The following RAP1GDS1 variants were observed in gnomAD, a reference collection of about 807,000 sequenced individuals.
The protein encoded by RAP1GDS1 is RAP1, GTP-GDP dissociation stimulator 1.
RAP1GDS1 carries 35 observed loss-of-function variants against 71.1 expected under a neutral mutation model. The observed-to-expected ratio is 0.49, with a 90% CI of 0.38 to 0.65. RAP1GDS1 has a LOEUF of 0.65. RAP1GDS1 is among the 30% of genes least tolerant of loss of function. The pLI, the probability that RAP1GDS1 is intolerant of heterozygous loss-of-function variation, is 0.00. For synonymous variants in RAP1GDS1, 229 were observed against 243.1 expected (o/e 0.94, Z 0.54); for missense variants, 663 against 706.1 (o/e 0.94, Z 0.69).
At chr4:98,346,584 G>GC (rs1474039333) in intron 3 of RAP1GDS1, among the ~76,000 whole-genome samples, 6 of 150,568 alleles carry the variant, frequency 4.0e-5, no homozygotes, top group Admixed American at 2.6e-4. Context: ...AGAGGGAGTC[G>GC]CCCAGGCTGG....
chr4:98,426,721 T>C (rs1242511261), intron 12 of RAP1GDS1, among the ~76,000 whole-genome samples: 1 of 152,016 alleles, frequency 6.6e-6, no homozygotes, highest in Non-Finnish European at 1.5e-5. Flanking sequence ...ATTGAAATGG[T>C]AATTTAAAAA....
chr4:98,378,958 G>A, intron 4 of RAP1GDS1, 59 bp from the exon 5 acceptor site: 1 of 1,407,364 alleles, frequency 7.1e-7, no homozygotes, highest in Non-Finnish European at 9.6e-7. Context: ...TTTTGTATTT[G>A]AAATTGTAAG....
At chr4:98,379,332 G>A in intron 5 of RAP1GDS1, 169 bp downstream of exon 5, 1 of 786,376 alleles carries the variant, frequency 1.3e-6, no homozygotes, top group Non-Finnish European at 1.8e-6. Flanking sequence ...AATGTAAAAT[G>A]GTTAATTTAC....
At chr4:98,369,469 A>G (rs565140829) in intron 4 of RAP1GDS1, among the ~76,000 whole-genome samples, 3 of 152,312 alleles carry the variant, frequency 2.0e-5, no homozygotes, top group Non-Finnish European at 2.9e-5. Context: ...CCCAATGTCA[A>G]TCAGTATATT....
intron 2 of RAP1GDS1, among the ~76,000 whole-genome samples, chr4:98,340,624 C>T (rs1187348518): frequency 2.0e-5 from 3 of 152,052 alleles, no homozygotes; most frequent in Non-Finnish European, 4.4e-5. Flanking sequence ...GGGTGCACAC[C>T]TGTAATCTCA....
chr4:98,429,714 A>G (rs1354648378), intron 12 of RAP1GDS1, among the ~76,000 whole-genome samples: 2 of 152,206 alleles, frequency 1.3e-5, no homozygotes, highest in East Asian at 3.8e-4. Context: ...GTGTTGGGCC[A>G]CGTTCAAAAT....
At chr4:98,416,713 A>C (rs767597464) in intron 7 of RAP1GDS1, 32 bp from the exon 8 acceptor site, 13 of 1,554,492 alleles carry the variant, frequency 8.4e-6, no homozygotes, top group Non-Finnish European at 1.1e-5. Context: ...TTTATCTCAA[A>C]GTTTGATTAT....
At chr4:98,369,547 C>G (rs1001115226) in intron 4 of RAP1GDS1, among the ~76,000 whole-genome samples, 2 of 152,158 alleles carry the variant, frequency 1.3e-5, no homozygotes, top group African/African-American at 4.8e-5. Flanking sequence ...AAAAATACTT[C>G]TATACATGAT....
chr4:98,344,539 TCTTA>T (rs1182570812), intron 3 of RAP1GDS1, among the ~76,000 whole-genome samples: 4 of 152,224 alleles, frequency 2.6e-5, no homozygotes, highest in East Asian at 1.9e-4. Context: ...TCCTATATTC[TCTTA>T]CTTAATAATA....
Position 98,437,060 on chromosome 4 carries a change from T to C in RAP1GDS1, c.1688T>C (p.Met563Thr), listed in dbSNP as rs375082304. Residue 563 changes from methionine (M) to threonine (T), a missense_variant, in exon 14 of 15, where the codon ATG becomes ACG. Physicochemically the swap from Met to Thr is moderately conservative, Grantham distance 81 (BLOSUM62 -1). Coordinates refer to ENST00000408927, the MANE Select transcript of RAP1GDS1 (RefSeq NM_001100427.2). ...YNSMVLICAL[M>T]GSECLHKEVQ... ...TCCATGGTCCTGATATGTGCTCTTA[T>C]GGGATCTGGTAAGTATTCTTCTATC... 4.4e-5 allele frequency: 70 copies of C among 1,600,936 alleles called. No individual in the cohort carries two copies. Among genetic ancestry groups the C allele is most frequent in the Admixed American group, 2.6e-4 (15 of 56,920 alleles).
chr4:98,363,447 C>T (rs1739033639), intron 4 of RAP1GDS1, among the ~76,000 whole-genome samples: 1 of 127,446 alleles, frequency 7.8e-6, no homozygotes, highest in Admixed American at 8.9e-5. Context: ...CACCACAGCA[C>T]TCCAGCCTAA....
chr4:98,296,252 A>G (rs1433212450), intron 2 of RAP1GDS1, among the ~76,000 whole-genome samples: 1 of 152,130 alleles, frequency 6.6e-6, no homozygotes, highest in Admixed American at 6.6e-5. Context: ...GTTACTGGAA[A>G]GGTTATCTCT....
chr4:98,367,384 T>A (rs1050857102), intron 4 of RAP1GDS1, among the ~76,000 whole-genome samples: 1 of 152,214 alleles, frequency 6.6e-6, no homozygotes. Context: ...GGGACCCTCA[T>A]GGAGAACCTC....
chr4:98,264,287 T>C (rs978208913), intron 1 of RAP1GDS1, among the ~76,000 whole-genome samples: 3 of 151,868 alleles, frequency 2.0e-5, no homozygotes. Flanking sequence ...TCCCAGCTGT[T>C]TGGGAGGCTG....
chr4:98,279,049 C>T (rs1163828882), intron 1 of RAP1GDS1, among the ~76,000 whole-genome samples: 3 of 152,102 alleles, frequency 2.0e-5, no homozygotes, highest in Non-Finnish European at 4.4e-5. Context: ...AGTGAAACCC[C>T]GTCTCTACTA....
chr4:98,316,567 C>T (rs1730971653), intron 2 of RAP1GDS1, among the ~76,000 whole-genome samples: 1 of 151,960 alleles, frequency 6.6e-6, no homozygotes, highest in Admixed American at 6.6e-5. Flanking sequence ...GAGTAAGCTC[C>T]AGTGTACTGG....
intron 2 of RAP1GDS1, among the ~76,000 whole-genome samples, chr4:98,335,465 T>G (rs1341529022): frequency 7.2e-6 from 1 of 138,974 alleles, no homozygotes; most frequent in East Asian, 1.9e-4. Context: ...ATTAGGGTTG[T>G]TTGTTTGTTT....
At chr4:98,363,076 A>G (rs1048049918) in intron 4 of RAP1GDS1, among the ~76,000 whole-genome samples, 1 of 152,198 alleles carries the variant, frequency 6.6e-6, no homozygotes, top group Non-Finnish European at 1.5e-5. Flanking sequence ...AAGGTGATGT[A>G]TAATAATGGA....
chr4:98,340,710 C>T (rs1053505952), intron 2 of RAP1GDS1, among the ~76,000 whole-genome samples: 2 of 152,068 alleles, frequency 1.3e-5, no homozygotes, highest in African/African-American at 4.8e-5. Context: ...GATCACACCA[C>T]TTCACTCCAG....
Sources: allele counts gnomAD v4.1 joint callset (sites outside exome capture counted in the v4.1 genomes callset), GRCh38; gene constraint gnomAD v4.1.1; transcripts MANE v1.5; gene names NCBI Gene and HGNC (gene_info 2026-07-23, HGNC 2026-07-21).